The following MYBL1 variants were observed in gnomAD, a reference collection of about 807,000 sequenced individuals.
MYBL1 encodes myb-related protein A.
A neutral mutation model predicts 96.3 loss-of-function variants in MYBL1; 17 were observed. The ratio of observed to expected loss-of-function variants is 0.18; its 90% CI spans 0.12 to 0.26. The LOEUF (loss-of-function observed/expected upper bound fraction) is 0.26, where lower values mean the gene tolerates loss of function less well. Ranked by LOEUF, MYBL1 falls within the 10% of genes least tolerant of loss-of-function variation. The pLI, the probability that MYBL1 is intolerant of heterozygous loss-of-function variation, is 1.00. For missense variants in MYBL1, 701 were observed against 882.9 expected, an observed-to-expected ratio of 0.79 and a Z score of 2.61; for synonymous variants, 282 against 292.7, an observed-to-expected ratio of 0.96 and a Z score of 0.37.
At chr8:66,565,053 T>G (rs1339859535) in intron 15 of MYBL1, 2 of 250,034 alleles carry the variant, frequency 8.0e-6, no homozygotes, top group Middle Eastern at 1.4e-3. Flanking sequence ...CTATCTATAT[T>G]GCTTACAGGC....
At chr8:66,596,659 T>C (rs928874613) in intron 5 of MYBL1, among the ~76,000 whole-genome samples, 1 of 152,162 alleles carries the variant, frequency 6.6e-6, no homozygotes, top group Non-Finnish European at 1.5e-5. Flanking sequence ...CTTAATGCTA[T>C]AAAGTACTAT....
intron 12 of MYBL1, 95 bp downstream of exon 12, chr8:66,572,387 C>CT (rs1457457285): frequency 1.7e-6 from 1 of 585,362 alleles, no homozygotes; most frequent in Admixed American, 3.1e-5. Flanking sequence ...CAGTAAATAT[C>CT]TTTTTTTAAA....
rs572409924 is a variant in MYBL1, at chr8:66,567,520, A to AGAGT, written c.1729-532_1729-529dup. 8.5e-4 allele frequency among the ~76,000 whole-genome samples: 125 copies of AGAGT among 147,564 alleles called. 4 individuals carry two copies. The South Asian group carries it at 0.026, about 31-fold the overall frequency. On this transcript the variant is annotated intron_variant, in intron 12 of 15. Transcript: ENST00000522677. ...TGACACAGTATCCAAGAAGACAGAG[A>AGAGT]GAGTGAGTGTGTGTGTGTGTGTGTG...
At chr8:66,598,923 T>G (rs1193937378) in intron 4 of MYBL1, 127 bp downstream of exon 4, 1 of 490,484 alleles carries the variant, frequency 2.0e-6, no homozygotes. Flanking sequence ...TCAATTCTTA[T>G]GCAAGTAGCC....
intron 1 of MYBL1, among the ~76,000 whole-genome samples, chr8:66,610,114 A>G (rs1309993855): frequency 6.6e-6 from 1 of 152,040 alleles, no homozygotes; most frequent in Admixed American, 6.5e-5. Flanking sequence ...TTTAAAGCTT[A>G]CTTTAAAGGG....
chr8:66,602,425 C>T lies in MYBL1; in HGVS notation c.119G>A (p.Arg40Lys). ...ACCTTGTCAGATAATTACCTCGTCC[C>T]TTGTCCATTTTACTCTGTTCCAGAG... is the stretch of plus-strand genomic sequence containing the variant. ...KKLWNRVKWT[R>K]DEDDKLKKLV... The change falls in exon 2 of 16, where the codon AGG becomes AAG. Residue 40 changes from arginine (R) to lysine (K), a missense_variant. Coordinates refer to ENST00000522677, the MANE Select transcript of MYBL1 (RefSeq NM_001080416.4). The T allele has an allele frequency of 6.3e-7, 1 of 1,585,704 alleles. No individual in the cohort carries two copies. The highest frequency in any genetic ancestry group is 8.6e-7 in the Non-Finnish European group (1 of 1,164,996).
chr8:66,566,278 T>C, intron 14 of MYBL1, 35 bp from the exon 15 acceptor site: 1 of 1,312,664 alleles, frequency 7.6e-7, no homozygotes, highest in Non-Finnish European at 1.0e-6. Context: ...AAATAACTAA[T>C]TCAAAAATGG....
chr8:66,589,296 C>G (rs1809542331), intron 8 of MYBL1, among the ~76,000 whole-genome samples: 1 of 150,354 alleles, frequency 6.7e-6, no homozygotes, highest in Admixed American at 6.6e-5. Context: ...AATGCTGATT[C>G]TCTAACCATA....
chr8:66,581,594 T>C (rs1370692206), intron 8 of MYBL1, among the ~76,000 whole-genome samples: 2 of 152,154 alleles, frequency 1.3e-5, no homozygotes, highest in Non-Finnish European at 2.9e-5. Context: ...GGGCATCACT[T>C]GAACCCAGGA....
intron 6 of MYBL1, among the ~76,000 whole-genome samples, chr8:66,593,865 G>A (rs1202744686): frequency 1.3e-5 from 2 of 152,160 alleles, no homozygotes; most frequent in Non-Finnish European, 2.9e-5. Flanking sequence ...GCCGGGTACA[G>A]TGGCCCACCC....
At chr8:66,573,280 T>C (rs1442919138) in intron 11 of MYBL1, 84 bp downstream of exon 11, 1 of 1,245,692 alleles carries the variant, frequency 8.0e-7, no homozygotes, top group African/African-American at 1.5e-5. Flanking sequence ...TTATGATACT[T>C]GCTATTTATA....
At chr8:66,610,508 C>A (rs938984870) in intron 1 of MYBL1, among the ~76,000 whole-genome samples, 1 of 151,736 alleles carries the variant, frequency 6.6e-6, no homozygotes, top group Non-Finnish European at 1.5e-5. Context: ...TTCACTTGAA[C>A]GCTTAAGTGG....
At chr8:66,565,304 T>G (rs952943224) in intron 15 of MYBL1, 1 of 152,450 alleles carries the variant, frequency 6.6e-6, no homozygotes, top group African/African-American at 2.4e-5. Context: ...ATGTTATAGA[T>G]GTGATCTTCT....
intron 15 of MYBL1, 86 bp from the exon 16 acceptor site, chr8:66,564,911 AC>A (rs1808445592): frequency 1.3e-6 from 1 of 797,772 alleles, no homozygotes; most frequent in Non-Finnish European, 1.8e-6. Context: ...AGTTATTTTA[AC>A]TGATTAGATA....
rs373569853 is a variant in MYBL1, at chr8:66,588,342, C to T, written c.867+4098G>A. On this transcript the variant is annotated intron_variant, in intron 8 of 15. Coordinates refer to ENST00000522677, the MANE Select transcript of MYBL1 (RefSeq NM_001080416.4). ...TCGTCCAGGCTGGAATGCACTAGCC[C>T]GATCTCAGCTCACTGCAAACTCCAC... Among the ~76,000 whole-genome samples, 66 of 150,968 alleles carry T rather than the reference C, an allele frequency of 4.4e-4. 1 individual carries two copies. The highest frequency in any genetic ancestry group is 1.5e-3 in the African/African-American group (61 of 41,012).
chr8:66,579,254 A>AATT (rs1563534051), intron 9 of MYBL1, among the ~76,000 whole-genome samples: 3 of 150,164 alleles, frequency 2.0e-5, no homozygotes, highest in African/African-American at 7.3e-5. Flanking sequence ...TTAAAAAAAA[A>AATT]TTTTTTTTAA....
chr8:66,606,373 T>G (rs1382322870), intron 1 of MYBL1, among the ~76,000 whole-genome samples: 1 of 152,248 alleles, frequency 6.6e-6, no homozygotes, highest in Non-Finnish European at 1.5e-5. Context: ...CCTAATAGTA[T>G]TCAAAATTAT....
At position 66,564,551 on chromosome 8, in the gene MYBL1, C is replaced by G; in HGVS notation, c.*146G>C. 1 of 489,266 alleles carries G rather than the reference C, an allele frequency of 2.0e-6. No homozygotes were observed. Among genetic ancestry groups the G allele is most frequent in the Non-Finnish European group, 3.3e-6 (1 of 305,136 alleles). The allele number at this position is 489,266 out of a possible 1,614,324, so 30.3% of individuals were successfully genotyped here. ...CTTAAGTGACTTACTAGCTTTCTGCCTACTATATAGAATAGAAAAAAGATG... is the reference window on the plus strand; with the variant it reads ...CTTAAGTGACTTACTAGCTTTCTGCGTACTATATAGAATAGAAAAAAGATG... On this transcript the variant is annotated 3_prime_UTR_variant, in exon 16 of 16. Transcript: ENST00000522677.
Position 66,575,366 on chromosome 8 carries a change from T to C in MYBL1, c.1470+641A>G, listed in dbSNP as rs372269106. Among the ~76,000 whole-genome samples, 3 of 152,182 alleles carry C rather than the reference T, an allele frequency of 2.0e-5. No individual in the cohort carries two copies. The South Asian group carries it at 6.2e-4, about 31-fold the overall frequency. On this transcript the variant is annotated intron_variant, in intron 10 of 15. Coordinates refer to ENST00000522677, the MANE Select transcript of MYBL1 (RefSeq NM_001080416.4). ...AACAGTAGTCAGTCAGGAAACCGGA[T>C]CTTAGTCTCAGCCTTGCATTAGATA...
Sources: allele counts gnomAD v4.1 joint callset (sites outside exome capture counted in the v4.1 genomes callset), GRCh38; gene constraint gnomAD v4.1.1; transcripts MANE v1.5; gene names NCBI Gene and HGNC (gene_info 2026-07-23, HGNC 2026-07-21).